The following NRXN1 variants were observed in gnomAD, a reference collection of about 807,000 sequenced individuals.
The protein encoded by NRXN1 is neurexin-1.
Under a neutral mutation model 150.9 loss-of-function variants are expected in NRXN1, and 39 were observed. The observed-to-expected ratio is 0.26, with a 90% confidence interval of 0.20 to 0.34. The LOEUF (loss-of-function observed/expected upper bound fraction) is 0.34. NRXN1 is among the 10% of genes least tolerant of loss of function. NRXN1 has a pLI of 1.00. For missense variants in NRXN1, 1,815 were observed against 1,949.9 expected, an observed-to-expected ratio of 0.93 and a Z score of 1.30; for synonymous variants, 924 against 757.0, an observed-to-expected ratio of 1.22 and a Z score of -3.62.
chr2:50,330,927 T>G (rs1002666242), intron 17 of NRXN1, among the ~76,000 whole-genome samples: 1 of 152,182 alleles, frequency 6.6e-6, no homozygotes, highest in African/African-American at 2.4e-5. Context: ...TTTGTAATAT[T>G]AGGGGTGGGA....
intron 13 of NRXN1, among the ~76,000 whole-genome samples, chr2:50,500,871 C>T (rs1053796197): frequency 1.3e-5 from 2 of 152,158 alleles, no homozygotes; most frequent in African/African-American, 4.8e-5. Flanking sequence ...TGTTAATTCA[C>T]TTAAAATTGC....
intron 15 of NRXN1, among the ~76,000 whole-genome samples, chr2:50,491,505 T>A (rs546009567): frequency 6.6e-6 from 1 of 152,006 alleles, no homozygotes; most frequent in Admixed American, 6.6e-5. Context: ...GGAGGAATAC[T>A]AGGAAGGTTG....
intron 18 of NRXN1, among the ~76,000 whole-genome samples, chr2:50,231,745 T>C (rs1449757334): frequency 2.0e-5 from 3 of 152,122 alleles, no homozygotes; most frequent in African/African-American, 7.2e-5. Context: ...TCCAGATTTA[T>C]AGTGACTTTC....
intron 2 of NRXN1, among the ~76,000 whole-genome samples, chr2:51,021,208 A>T (rs139403022): frequency 6.6e-6 from 1 of 152,146 alleles, no homozygotes; most frequent in East Asian, 1.9e-4. Context: ...TAGCTTATAT[A>T]CTTTTTGAGA....
intron 8 of NRXN1, among the ~76,000 whole-genome samples, chr2:50,583,894 T>C (rs1672674524): frequency 6.6e-6 from 1 of 152,326 alleles, no homozygotes; most frequent in Non-Finnish European, 1.5e-5. Flanking sequence ...CACTGTATCA[T>C]GTGCTTAAAA....
intron 8 of NRXN1, among the ~76,000 whole-genome samples, chr2:50,590,551 C>T (rs1673997138): frequency 6.6e-6 from 1 of 151,974 alleles, no homozygotes; most frequent in Admixed American, 6.6e-5. Context: ...ATATGTGTGC[C>T]CCCTCTCCAC....
At chr2:50,701,505 G>C (rs1486889442) in intron 5 of NRXN1, among the ~76,000 whole-genome samples, 2 of 152,256 alleles carry the variant, frequency 1.3e-5, no homozygotes, top group East Asian at 3.9e-4. Flanking sequence ...ACTGACACTT[G>C]AGAGTCTTGC....
At chr2:51,024,043 T>C (rs1461585436) in intron 2 of NRXN1, among the ~76,000 whole-genome samples, 1 of 152,240 alleles carries the variant, frequency 6.6e-6, no homozygotes, top group East Asian at 1.9e-4. Context: ...ATGAGAATTA[T>C]AACTTAATTT....
chr2:50,168,512 T>C (rs2059822180), intron 18 of NRXN1, among the ~76,000 whole-genome samples: 1 of 152,206 alleles, frequency 6.6e-6, no homozygotes, highest in African/African-American at 2.4e-5. Context: ...TTAGGAAGTA[T>C]ATTTACTAGA....
At chr2:50,235,032 T>C (rs1392414853) in intron 18 of NRXN1, among the ~76,000 whole-genome samples, 3 of 152,120 alleles carry the variant, frequency 2.0e-5, no homozygotes, top group African/African-American at 7.2e-5. Context: ...AGTAATTCAA[T>C]AACACAGCCC....
chr2:50,890,995 G>A (rs183861465), intron 5 of NRXN1, among the ~76,000 whole-genome samples: 2 of 151,952 alleles, frequency 1.3e-5, no homozygotes, highest in African/African-American at 4.8e-5. Context: ...CCTATTTAGT[G>A]AAAACAAAGC....
intron 17 of NRXN1, among the ~76,000 whole-genome samples, chr2:50,246,930 T>C (rs548058141): frequency 6.6e-6 from 1 of 152,204 alleles, no homozygotes; most frequent in African/African-American, 2.4e-5. Context: ...TTATAAAAAA[T>C]TATGTGCTTT....
At chr2:49,943,838 G>A in intron 21 of NRXN1, 47 bp from the exon 22 acceptor site, 1 of 1,325,948 alleles carries the variant, frequency 7.5e-7, no homozygotes, top group Non-Finnish European at 1.1e-6. Context: ...GGTCCTAACA[G>A]ATTCTCTCAT....
chr2:50,613,119 A>G (rs868550873), intron 8 of NRXN1, among the ~76,000 whole-genome samples: 1 of 152,196 alleles, frequency 6.6e-6, no homozygotes, highest in Non-Finnish European at 1.5e-5. Context: ...TCAAAGCAAA[A>G]CTATCATCTT....
At chr2:50,490,764 C>A (rs975876622) in intron 15 of NRXN1, among the ~76,000 whole-genome samples, 1 of 151,952 alleles carries the variant, frequency 6.6e-6, no homozygotes, top group African/African-American at 2.4e-5. Flanking sequence ...CATGTGTATC[C>A]GAGGGAAAAA....
intron 2 of NRXN1, among the ~76,000 whole-genome samples, chr2:50,991,401 C>T (rs1341140987): frequency 1.3e-5 from 2 of 151,978 alleles, no homozygotes; most frequent in Admixed American, 6.6e-5. Context: ...AAAATGGATG[C>T]TTGTGATGAT....
intron 17 of NRXN1, among the ~76,000 whole-genome samples, chr2:50,247,465 C>T (rs1347137181): frequency 6.6e-6 from 1 of 152,134 alleles, no homozygotes; most frequent in Non-Finnish European, 1.5e-5. Context: ...AGTAATGAGA[C>T]ATATCAAATT....
intron 5 of NRXN1, among the ~76,000 whole-genome samples, chr2:50,662,742 C>G (rs1020532323): frequency 9.9e-5 from 15 of 151,916 alleles, no homozygotes; most frequent in African/African-American, 3.6e-4. Flanking sequence ...CCTCTGGGTT[C>G]TGAAACAATG....
intron 8 of NRXN1, among the ~76,000 whole-genome samples, chr2:50,597,137 G>T (rs1405195717): frequency 1.3e-5 from 2 of 152,120 alleles, no homozygotes; most frequent in African/African-American, 4.8e-5. Flanking sequence ...GAGTCACCGT[G>T]CCCGGTGGGA....
Sources: gnomAD v4.1 joint callset for allele counts (sites outside exome capture counted in the v4.1 genomes callset) on GRCh38, gnomAD v4.1.1 for gene constraint, MANE v1.5 for transcripts, NCBI Gene and HGNC (gene_info 2026-07-23, HGNC 2026-07-21) for gene names.